The following ARLN variants were observed in gnomAD, a reference collection of about 807,000 sequenced individuals.
The protein encoded by ARLN is allregulin.
chr4:119,298,685 A>G, the ARLN span: 61 of 703,276 alleles, frequency 8.7e-5, no homozygotes, highest in African/African-American at 9.6e-4. Flanking sequence ...AAATTCTTCT[A>G]TTGAGAGTCC....
At chr4:119,299,310 C>T in the ARLN span, among the ~76,000 whole-genome samples, 1,668 of 152,282 alleles carry the variant, frequency 0.011, 70 homozygotes, top group Admixed American at 0.075. Flanking sequence ...AGGCTTAAGA[C>T]ACCCAAATCT....
the ARLN span, among the ~76,000 whole-genome samples, chr4:119,301,965 A>C: frequency 1.3e-5 from 2 of 152,170 alleles, no homozygotes; most frequent in African/African-American, 4.8e-5. Flanking sequence ...CCTGAGAATT[A>C]ATTAGATTGT....
At chr4:119,300,872 C>A in the ARLN span, 1 of 1,370,998 alleles carries the variant, frequency 7.3e-7, no homozygotes, top group Non-Finnish European at 9.6e-7. Flanking sequence ...AAGGCCCAGT[C>A]CAGTCAGGTG....
the ARLN span, among the ~76,000 whole-genome samples, chr4:119,301,417 A>T: frequency 6.6e-6 from 1 of 151,462 alleles, no homozygotes; most frequent in Admixed American, 6.6e-5. Flanking sequence ...ACAGAGCGAG[A>T]CTCCATCTGG....
the ARLN span, among the ~76,000 whole-genome samples, chr4:119,302,825 GT>G: frequency 6.6e-6 from 1 of 152,286 alleles, no homozygotes; most frequent in South Asian, 2.1e-4. Flanking sequence ...ACAGCTAAGT[GT>G]TTTTAAGAAG....
At chr4:119,302,110 C>T in the ARLN span, among the ~76,000 whole-genome samples, 1 of 152,132 alleles carries the variant, frequency 6.6e-6, no homozygotes, top group African/African-American at 2.4e-5. Flanking sequence ...TTCTCGCTGA[C>T]AAGGTAGGAT....
At chr4:119,300,410 G>T in the ARLN span, 2 of 1,613,786 alleles carry the variant, frequency 1.2e-6, no homozygotes, top group African/African-American at 2.7e-5. Flanking sequence ...ACCAGTAGGA[G>T]TGTTTGGGAA....
At chr4:119,302,366 G>C in the ARLN span, among the ~76,000 whole-genome samples, 2 of 152,192 alleles carry the variant, frequency 1.3e-5, no homozygotes, top group Non-Finnish European at 2.9e-5. Context: ...TCAGTTGAAA[G>C]ATTCTATTTC....
Sources: allele counts gnomAD v4.1 joint callset (sites outside exome capture counted in the v4.1 genomes callset), GRCh38; gene constraint gnomAD v4.1.1; transcripts MANE v1.5; gene names NCBI Gene and HGNC (gene_info 2026-07-23, HGNC 2026-07-21).